Variants in TRPC4 observed in about 807,000 individuals in gnomAD.
The protein encoded by TRPC4 is transient receptor potential cation channel subfamily C member 4, also known as short transient receptor potential channel 4.
Under a neutral mutation model 99.4 loss-of-function variants are expected in TRPC4, and 49 were observed. That is an observed-to-expected ratio of 0.49 (90% CI 0.39 to 0.63). The LOEUF (loss-of-function observed/expected upper bound fraction) is 0.63. Ranked by LOEUF, TRPC4 falls within the 20% of genes least tolerant of loss-of-function variation. The probability of loss-of-function intolerance (pLI) is 0.00; values close to 1 mark genes in which losing one functional copy is unlikely to be tolerated. For missense variants in TRPC4, 898 were observed against 1,152.9 expected, an observed-to-expected ratio of 0.78 and a Z score of 3.20; for synonymous variants, 454 against 425.9, an observed-to-expected ratio of 1.07 and a Z score of -0.81.
chr13:37,675,883 C>A (rs1270825109), intron 4 of TRPC4, among the ~76,000 whole-genome samples: 1 of 152,102 alleles, frequency 6.6e-6, no homozygotes, highest in Non-Finnish European at 1.5e-5. Flanking sequence ...AATTGACAAC[C>A]ACTGGAGGAA....
At chr13:37,825,708 T>C (rs1279054608) in intron 1 of TRPC4, among the ~76,000 whole-genome samples, 3 of 147,104 alleles carry the variant, frequency 2.0e-5, no homozygotes, top group South Asian at 4.5e-4. Context: ...TGGTCAATTT[T>C]GGAATAGGTG....
intron 1 of TRPC4, among the ~76,000 whole-genome samples, chr13:37,852,862 G>T (rs1263976491): frequency 6.6e-6 from 1 of 152,162 alleles, no homozygotes; most frequent in Non-Finnish European, 1.5e-5. Flanking sequence ...ATGCCCACCA[G>T]ATGAAGCTCC....
chr13:37,841,451 A>G (rs1958727727), intron 1 of TRPC4, among the ~76,000 whole-genome samples: 1 of 152,032 alleles, frequency 6.6e-6, no homozygotes, highest in African/African-American at 2.4e-5. Context: ...TCTAGTTAAG[A>G]GGATGAAATG....
At chr13:37,760,486 C>T (rs1487424787) in intron 2 of TRPC4, among the ~76,000 whole-genome samples, 1 of 151,888 alleles carries the variant, frequency 6.6e-6, no homozygotes, top group Admixed American at 6.6e-5. Flanking sequence ...TCAAGAGGAA[C>T]CCATTTTCAG....
At chr13:37,707,672 T>C (rs915283393) in intron 3 of TRPC4, among the ~76,000 whole-genome samples, 2 of 152,074 alleles carry the variant, frequency 1.3e-5, no homozygotes, top group Non-Finnish European at 2.9e-5. Flanking sequence ...ATTCAGGCAG[T>C]CCTATAGACA....
chr13:37,651,227 T>A, intron 8 of TRPC4, 38 bp downstream of exon 8: 1 of 1,609,854 alleles, frequency 6.2e-7, no homozygotes, highest in Non-Finnish European at 8.5e-7. Context: ...AAATACACAA[T>A]TTAAAAAAAG....
chr13:37,738,203 G>C (rs1469269193), intron 3 of TRPC4, among the ~76,000 whole-genome samples: 1 of 152,120 alleles, frequency 6.6e-6, no homozygotes. Flanking sequence ...ATGGCTTCTG[G>C]TTCTGGGAAG....
chr13:37,682,906 T>C (rs953657423), intron 4 of TRPC4, among the ~76,000 whole-genome samples: 1 of 150,750 alleles, frequency 6.6e-6, no homozygotes, highest in African/African-American at 2.4e-5. Context: ...AGGCACATGT[T>C]ACCATGCCCA....
At chr13:37,771,323 C>T (rs2139292159) in intron 2 of TRPC4, among the ~76,000 whole-genome samples, 1 of 151,812 alleles carries the variant, frequency 6.6e-6, no homozygotes, top group South Asian at 2.1e-4. Flanking sequence ...CCTCACTTTC[C>T]TACTTCTCTC....
Position 37,691,195 on chromosome 13 carries a change from G to A in TRPC4, c.1234+804C>T, listed in dbSNP as rs973752118. 2.0e-5 allele frequency among the ~76,000 whole-genome samples: 3 copies of A among 152,038 alleles called. 1 individual carries two copies. On this transcript the variant is annotated intron_variant, in intron 4 of 10. Transcript: ENST00000379705. Reference sequence around the variant, plus strand: ...GGGATCACTGCAAGCTCCGCCTCCCGGGTTCACGTCATTCTCCTGCCTCAG... The same window carrying A: ...GGGATCACTGCAAGCTCCGCCTCCCAGGTTCACGTCATTCTCCTGCCTCAG...
At chr13:37,753,575 A>AGAAAGAGAG (rs1566145348) in intron 2 of TRPC4, among the ~76,000 whole-genome samples, 1,407 of 137,112 alleles carry the variant, frequency 0.01, 12 homozygotes, top group South Asian at 0.026. Context: ...GAGAGAGAGA[A>AGAAAGAGAG]AGAGAGAGAG....
chr13:37,644,872 CAAAAAAAAAA>C, intron 8 of TRPC4, among the ~76,000 whole-genome samples: 1 of 81,504 alleles, frequency 1.2e-5, no homozygotes, highest in East Asian at 3.9e-4. Flanking sequence ...GACTCCATCT[CAAAAAAAAAA>C]AAAAAAAAAA....
At chr13:37,753,235 T>G (rs1955986601) in intron 2 of TRPC4, among the ~76,000 whole-genome samples, 1 of 152,010 alleles carries the variant, frequency 6.6e-6, no homozygotes, top group African/African-American at 2.4e-5. Flanking sequence ...AATACTTTCT[T>G]TAGAGTATAG....
intron 8 of TRPC4, among the ~76,000 whole-genome samples, chr13:37,641,186 A>T (rs1951705747): frequency 6.6e-6 from 1 of 152,210 alleles, no homozygotes; most frequent in African/African-American, 2.4e-5. Context: ...ATTTTAATAC[A>T]AATATAAAAA....
At chr13:37,764,329 T>C (rs889392234) in intron 2 of TRPC4, among the ~76,000 whole-genome samples, 5 of 151,300 alleles carry the variant, frequency 3.3e-5, no homozygotes, top group Non-Finnish European at 7.4e-5. Flanking sequence ...TAATTATACA[T>C]TTGTATATAA....
chr13:37,732,435 C>T (rs1257984817), intron 3 of TRPC4, among the ~76,000 whole-genome samples: 3 of 152,070 alleles, frequency 2.0e-5, no homozygotes, highest in Non-Finnish European at 4.4e-5. Context: ...TTTACCCCTC[C>T]TATTCAACAC....
intron 1 of TRPC4, among the ~76,000 whole-genome samples, chr13:37,818,302 C>A (rs1309343669): frequency 1.3e-5 from 2 of 152,076 alleles, no homozygotes; most frequent in East Asian, 3.9e-4. Context: ...CAGGAAATGA[C>A]AGATGCTGGA....
chr13:37,842,122 T>C (rs897200557), intron 1 of TRPC4, among the ~76,000 whole-genome samples: 4 of 150,936 alleles, frequency 2.7e-5, no homozygotes, highest in African/African-American at 9.8e-5. Flanking sequence ...ATACAAAAAT[T>C]AGCTGGGTGT....
chr13:37,835,733 G>T (rs2139613090), intron 1 of TRPC4, among the ~76,000 whole-genome samples: 1 of 152,290 alleles, frequency 6.6e-6, no homozygotes, highest in East Asian at 1.9e-4. Flanking sequence ...CTTATTTTTA[G>T]ATTCAACACA....
Sources: gnomAD v4.1 joint callset for allele counts (sites outside exome capture counted in the v4.1 genomes callset) on GRCh38, gnomAD v4.1.1 for gene constraint, MANE v1.5 for transcripts, NCBI Gene and HGNC (gene_info 2026-07-23, HGNC 2026-07-21) for gene names.